The following HLCS variants were observed in gnomAD, a reference collection of about 807,000 sequenced individuals.
HLCS encodes biotin--protein ligase.
In HLCS, 53 loss-of-function variants were observed where a neutral mutation model predicts 75.0. That is an observed-to-expected ratio of 0.71 (90% CI 0.57 to 0.89). The LOEUF (loss-of-function observed/expected upper bound fraction) is 0.89. Ranked by LOEUF, HLCS falls within the 40% of genes least tolerant of loss-of-function variation. The pLI, the probability that HLCS is intolerant of heterozygous loss-of-function variation, is 0.00. For synonymous variants in HLCS, 431 were observed against 428.6 expected (o/e 1.01, Z -0.07); for missense variants, 966 against 1,074.0 (o/e 0.90, Z 1.41).
intron 6 of HLCS, among the ~76,000 whole-genome samples, chr21:36,843,314 T>C (rs1291050724): frequency 6.6e-6 from 1 of 152,078 alleles, no homozygotes; most frequent in African/African-American, 2.4e-5. Context: ...GGCATGTCCC[T>C]GTAGTCCCAG....
chr21:36,944,335 A>T (rs1731678738), intron 2 of HLCS, among the ~76,000 whole-genome samples: 1 of 152,186 alleles, frequency 6.6e-6, no homozygotes, highest in East Asian at 1.9e-4. Flanking sequence ...CTAATTTACC[A>T]TGTCAAAAAG....
chr21:36,925,282 T>C (rs1038174264), intron 5 of HLCS, among the ~76,000 whole-genome samples: 4 of 152,188 alleles, frequency 2.6e-5, no homozygotes, highest in African/African-American at 9.6e-5. Context: ...TACATCTTGA[T>C]CCCAGCTGGA....
In HLCS at chr21:36,870,628, T is replaced by C. The variant is rs148435541; in HGVS notation, c.1892+26232A>G. ...GTGAGAAGTGATTGTTTCGGAATCA[T>C]AGTTACAAGTTTCCCTTAAAGTAAC... On this transcript the variant is annotated intron_variant, in intron 6 of 10. Transcript: ENST00000674895. 6.9e-3 allele frequency among the ~76,000 whole-genome samples: 1,050 copies of C among 152,338 alleles called. 13 individuals carry two copies. The highest frequency in any genetic ancestry group is 0.024 in the African/African-American group (1,010 of 41,578).
At chr21:36,903,925 G>A (rs2065342862) in intron 5 of HLCS, among the ~76,000 whole-genome samples, 1 of 152,036 alleles carries the variant, frequency 6.6e-6, no homozygotes, top group Non-Finnish European at 1.5e-5. Flanking sequence ...TGGTGGGATT[G>A]GTGGCTTTAT....
intron 6 of HLCS, among the ~76,000 whole-genome samples, chr21:36,881,446 T>C (rs1601610740): frequency 6.6e-6 from 1 of 152,148 alleles, no homozygotes; most frequent in African/African-American, 2.4e-5. Flanking sequence ...CCACCACTAC[T>C]GTTAGCGTGG....
chr21:36,765,152 G>T lies in HLCS; in HGVS notation c.1981C>A (p.Leu661Met). 6.2e-7 allele frequency: 1 copy of T among 1,614,198 alleles called. No individual in the cohort carries two copies. Among genetic ancestry groups the T allele is most frequent in the Non-Finnish European group, 8.5e-7 (1 of 1,180,028 alleles). Residue 661 changes from leucine to methionine, a missense_variant, in exon 8 of 11, where the codon CTG becomes ATG. Leu to Met is a conservative substitution (Grantham distance 15). Transcript: ENST00000674895. ...GAAAGAGCACATCCCACAGGGCTCA[G>T]CCACACATTCCCTCCCCGTCCTGGA... ...EGKGRGGNVW[L>M]SPVGCALSTL...
chr21:36,897,621 TC>T (rs1193727717), intron 5 of HLCS, among the ~76,000 whole-genome samples: 28 of 152,266 alleles, frequency 1.8e-4, no homozygotes, highest in African/African-American at 6.0e-4. Flanking sequence ...TCTTAGAGAA[TC>T]TCCGCTTCCT....
chr21:36,913,744 C>A (rs1398631438), intron 5 of HLCS, among the ~76,000 whole-genome samples: 1 of 152,060 alleles, frequency 6.6e-6, no homozygotes, highest in Non-Finnish European at 1.5e-5. Flanking sequence ...CCAGCCTGGG[C>A]AACAAAGACT....
chr21:36,794,084 C>T (rs550058119), intron 6 of HLCS, among the ~76,000 whole-genome samples: 117 of 152,284 alleles, frequency 7.7e-4, no homozygotes, highest in African/African-American at 2.6e-3. Flanking sequence ...GCCTCCCTGC[C>T]GCAACTTTTC....
intron 5 of HLCS, among the ~76,000 whole-genome samples, chr21:36,909,453 T>C (rs987018347): frequency 2.6e-5 from 4 of 152,194 alleles, no homozygotes; most frequent in Non-Finnish European, 5.9e-5. Context: ...TATCTCCACT[T>C]CTAAAGAGAG....
chr21:36,749,660 G>A lies in HLCS; in HGVS notation c.*4586C>T, dbSNP rs2089308719. On this transcript the variant is annotated 3_prime_UTR_variant, in exon 11 of 11. Transcript: ENST00000674895. ...CTCATTCACAGCTCCTTGTGAGTGT[G>A]TGCACAGGAAATAAGCCGAGGGTAT... 6.6e-6 allele frequency: 1 copy of A among 152,260 alleles called. No individual in the cohort carries two copies. The highest frequency in any genetic ancestry group is 2.4e-5 in the African/African-American group (1 of 41,540). The allele number at this position is 152,260 out of a possible 1,614,324, so 9.4% of individuals were successfully genotyped here.
chr21:36,766,852 G>A (rs149361290), intron 7 of HLCS, among the ~76,000 whole-genome samples: 93 of 152,258 alleles, frequency 6.1e-4, no homozygotes, highest in African/African-American at 2.0e-3. Context: ...CCCACATGAC[G>A]CTCAGTACAG....
chr21:36,778,183 A>G (rs185467657), intron 6 of HLCS, among the ~76,000 whole-genome samples: 1 of 151,890 alleles, frequency 6.6e-6, no homozygotes, highest in Non-Finnish European at 1.5e-5. Context: ...GTTAGCCAGG[A>G]TGGTCTTGAT....
At chr21:36,763,696 G>T (rs2089933087) in intron 8 of HLCS, among the ~76,000 whole-genome samples, 2 of 152,294 alleles carry the variant, frequency 1.3e-5, no homozygotes, top group Admixed American at 1.3e-4. Flanking sequence ...GCTGCTGGGG[G>T]AGGGAGGCAG....
At chr21:36,953,748 T>A (rs1256625563) in intron 2 of HLCS, among the ~76,000 whole-genome samples, 1 of 152,132 alleles carries the variant, frequency 6.6e-6, no homozygotes, top group East Asian at 1.9e-4. Flanking sequence ...TGGCTTTAAG[T>A]TGAAATCTTA....
At chr21:36,931,193 G>C (rs543605439) in intron 4 of HLCS, among the ~76,000 whole-genome samples, 53 of 146,622 alleles carry the variant, frequency 3.6e-4, no homozygotes, top group Middle Eastern at 7.1e-3. Context: ...TGAGGCAGGA[G>C]AATCGCTTGA....
intron 5 of HLCS, among the ~76,000 whole-genome samples, chr21:36,925,546 C>T (rs2066365013): frequency 6.6e-6 from 1 of 152,224 alleles, no homozygotes; most frequent in African/African-American, 2.4e-5. Flanking sequence ...AAGGTGCCGA[C>T]CTTCCTAGGG....
chr21:36,821,839 C>T (rs184349549), intron 6 of HLCS, among the ~76,000 whole-genome samples: 30 of 151,872 alleles, frequency 2.0e-4, no homozygotes, highest in Non-Finnish European at 4.0e-4. Context: ...TTTAAACGCA[C>T]GCCTTTAAAA....
chr21:36,787,421 G>A (rs1347550258), intron 6 of HLCS, among the ~76,000 whole-genome samples: 3 of 152,206 alleles, frequency 2.0e-5, no homozygotes, highest in African/African-American at 7.2e-5. Flanking sequence ...ACCCGCAGGG[G>A]TCACCTGCCT....
Sources: allele counts gnomAD v4.1 joint callset (sites outside exome capture counted in the v4.1 genomes callset), GRCh38; gene constraint gnomAD v4.1.1; transcripts MANE v1.5; gene names NCBI Gene and HGNC (gene_info 2026-07-23, HGNC 2026-07-21).